SLC26A4: variants seen among roughly 807,000 people sequenced by gnomAD.
SLC26A4 encodes pendrin.
Under a neutral mutation model 90.4 loss-of-function variants are expected in SLC26A4, and 93 were observed. That is an observed-to-expected ratio of 1.03 (90% CI 0.87 to 1.22). SLC26A4 has a LOEUF of 1.22. Ranked by LOEUF, SLC26A4 falls within the 50% of genes most tolerant of loss-of-function variation. The pLI is 0.00. For synonymous variants in SLC26A4, 393 were observed against 354.6 expected, an observed-to-expected ratio of 1.11 and a Z score of -1.22; for missense variants, 1,127 against 946.2, an observed-to-expected ratio of 1.19 and a Z score of -2.51.
intron 6 of SLC26A4, among the ~76,000 whole-genome samples, chr7:107,680,476 CTTATA>C (rs1226756884): frequency 7.0e-6 from 1 of 143,388 alleles, no homozygotes; most frequent in Non-Finnish European, 1.5e-5. Flanking sequence ...TAAGTATAAT[CTTATA>C]TTATTATATA....
chr7:107,663,576 A>G (rs1790630307), intron 3 of SLC26A4, 141 bp downstream of exon 3: 1 of 897,510 alleles, frequency 1.1e-6, no homozygotes, highest in Non-Finnish European at 1.8e-6. Flanking sequence ...GGAGAGAGTC[A>G]CCTCTCTTCT....
intron 14 of SLC26A4, among the ~76,000 whole-genome samples, chr7:107,698,550 C>G (rs989288058): frequency 6.6e-6 from 1 of 152,094 alleles, no homozygotes; most frequent in Non-Finnish European, 1.5e-5. Flanking sequence ...CTCCTGAGCT[C>G]AAGTGATTTG....
chr7:107,677,991 C>A (rs1001098196), intron 6 of SLC26A4, among the ~76,000 whole-genome samples: 1 of 152,052 alleles, frequency 6.6e-6, no homozygotes, highest in Non-Finnish European at 1.5e-5. Context: ...GTCGCCCAGG[C>A]TGGTCTTGAA....
In SLC26A4 at chr7:107,715,600, T is replaced by C; in HGVS notation, c.*154T>C. On this transcript the variant is annotated 3_prime_UTR_variant, in exon 21 of 21. Transcript: ENST00000644269. The stretch of plus-strand genomic sequence containing the variant: ...CTGCTTCTAGGCTTTATTTATAAAA[T>C]AAACACCTTATCCCTAACATGGGCA... 1.4e-6 allele frequency: 1 copy of C among 716,694 alleles called. No individual in the cohort carries two copies. Among genetic ancestry groups the C allele is most frequent in the Non-Finnish European group, 2.5e-6 (1 of 392,178 alleles). The allele number at this position is 716,694 out of a possible 1,614,324, so 44.4% of individuals were successfully genotyped here.
In SLC26A4 at chr7:107,663,160, A is replaced by G. The variant is rs908144507; in HGVS notation, c.165-136A>G. 5.0e-6 allele frequency: 5 copies of G among 1,006,512 alleles called. No homozygotes were observed. In the Admixed American group the frequency reaches 5.2e-5, roughly 10 times the overall value. The allele number at this position is 1,006,512 out of a possible 1,614,324, so 62.3% of individuals were successfully genotyped here. On this transcript the variant is annotated intron_variant, in intron 2 of 20. Transcript: ENST00000644269. ...AAAGCATGGTAAGCACTTCAGGGTT[A>G]TTATTTTCCAGGAAATACTTATCCT...
intron 3 of SLC26A4, among the ~76,000 whole-genome samples, chr7:107,667,835 A>G (rs1158258865): frequency 6.6e-6 from 1 of 152,206 alleles, no homozygotes; most frequent in Non-Finnish European, 1.5e-5. Flanking sequence ...AGATAGCCCA[A>G]ATGGTGCAGA....
At chr7:107,708,839 G>A (rs766017455) in intron 18 of SLC26A4, among the ~76,000 whole-genome samples, 1 of 151,956 alleles carries the variant, frequency 6.6e-6, no homozygotes, top group Admixed American at 6.6e-5. Flanking sequence ...TATTGACAAT[G>A]GGGGGATGTT....
At chr7:107,698,146 G>T (rs1485697115) in intron 14 of SLC26A4, 35 bp downstream of exon 14, 2 of 1,382,662 alleles carry the variant, frequency 1.4e-6, no homozygotes, top group South Asian at 2.3e-5. Flanking sequence ...CTGGACTTGG[G>T]TTTACTAGCC....
chr7:107,663,971 C>T (rs1458720156), intron 3 of SLC26A4, among the ~76,000 whole-genome samples: 1 of 152,052 alleles, frequency 6.6e-6, no homozygotes, highest in Non-Finnish European at 1.5e-5. Context: ...GCGTGAGCCA[C>T]TGCACCCAGC....
chr7:107,683,048 C>T (rs546411528), intron 6 of SLC26A4, among the ~76,000 whole-genome samples, 154 bp from the exon 7 acceptor site: 1 of 152,140 alleles, frequency 6.6e-6, no homozygotes, highest in South Asian at 2.1e-4. Context: ...ACATTTTTAT[C>T]ATTTTACTGA....
rs1584344549 is a variant in SLC26A4 at position 107,710,072 on chromosome 7, T to C, written c.2108T>C (p.Leu703Pro). ...TTTGAAGATTATGTGATAGAAAAGCTGGAGCAATGCGGGTTCTTTGACGAC... is the reference window on the plus strand; with the variant it reads ...TTTGAAGATTATGTGATAGAAAAGCCGGAGCAATGCGGGTTCTTTGACGAC... ...ASLQDYVIEKLEQCGFFDDNI... is the reference protein window; with the variant it reads ...ASLQDYVIEKPEQCGFFDDNI... The change falls in exon 19 of 21, where the codon CTG (leucine) becomes CCG (proline). Residue 703 changes from leucine (L) to proline (P), a missense_variant. Leu to Pro is a moderately conservative substitution (Grantham distance 98). Coordinates refer to ENST00000644269, the MANE Select transcript of SLC26A4 (RefSeq NM_000441.2). The C allele has an allele frequency of 6.2e-7, 1 of 1,613,372 alleles. No homozygotes were observed. Among genetic ancestry groups the C allele is most frequent in the East Asian group, 2.2e-5 (1 of 44,866 alleles).
intron 10 of SLC26A4, chr7:107,693,669 T>A (rs987043428): frequency 4.0e-6 from 4 of 991,282 alleles, no homozygotes; most frequent in Admixed American, 5.6e-5. Context: ...CTAGTATGGA[T>A]CTTAGGAGAG....
chr7:107,680,118 AATCTTATCTTATTATATAATATAATCTT>A lies in SLC26A4; in HGVS notation c.766-3076_766-3049del, dbSNP rs1408390315. Among the ~76,000 whole-genome samples the A allele has an allele frequency of 7.1e-3, 853 of 120,452 alleles. 15 individuals are homozygous for A. The highest frequency in any genetic ancestry group is 0.03 in the African/African-American group (801 of 26,668). 79.0% of individuals were successfully genotyped at this position (120,452 alleles called of 152,430 possible). ...ATAATCTTATCTTATTATATAATAT[AATCTTATCTTATTATATAATATAATCTT>A]ATCTTATTATATAATATAATCTTAT... On this transcript the variant is annotated intron_variant, in intron 6 of 20. Transcript: ENST00000644269.
At chr7:107,675,243 A>T in intron 6 of SLC26A4, 134 bp downstream of exon 6, 2 of 667,048 alleles carry the variant, frequency 3.0e-6, no homozygotes, top group Non-Finnish European at 5.4e-6. Context: ...AGGTGGGCAG[A>T]TTGCTTGAGC....
rs72127521 is a variant in SLC26A4, at chr7:107,682,130, ATTTT to A, written c.766-1067_766-1064del. On this transcript the variant is annotated intron_variant, in intron 6 of 20. Coordinates refer to ENST00000644269, the MANE Select transcript of SLC26A4 (RefSeq NM_000441.2). ...AAAAAAAAAAAAAAAAAAAAAAAAAATTTTTTTTATGTTATCTTAGTTCAAGTTT... is the reference window on the plus strand; with the variant it reads ...AAAAAAAAAAAAAAAAAAAAAAAAAATTTTATGTTATCTTAGTTCAAGTTT... 2.7e-4 allele frequency among the ~76,000 whole-genome samples: 20 copies of A among 73,408 alleles called. 1 individual carries two copies. Among genetic ancestry groups the A allele is most frequent in the African/African-American group, 4.5e-4 (9 of 19,948 alleles). 48.2% of individuals were successfully genotyped at this position (73,408 alleles called of 152,430 possible). A position where few individuals can be genotyped will look rare whatever the true frequency, so the allele number is the denominator to read the frequency against.
At position 107,661,657 on chromosome 7, in the gene SLC26A4, G is replaced by A. The variant is rs762069010; in HGVS notation, c.16G>A (p.Gly6Ser). ...CTCGCAGGTCATGGCAGCGCCAGGC[G>A]GCAGGTCGGAGCCGCCGCAGCTCCC... is the stretch of plus-strand genomic sequence containing the variant. MAAPG[G>S]RSEPPQLPEY... Residue 6 changes from glycine (G) to serine (S), a missense_variant, in exon 2 of 21, where the codon GGC becomes AGC. Physicochemically the swap from Gly to Ser is moderately conservative, Grantham distance 56. Coordinates refer to ENST00000644269, the MANE Select transcript of SLC26A4 (RefSeq NM_000441.2). The surrounding 1 kb of genome is among the most constrained non-coding windows in gnomAD (Gnocchi z 5.1). 6.4e-7 allele frequency: 1 copy of A among 1,568,014 alleles called. No individual in the cohort carries two copies. The highest frequency in any genetic ancestry group is 1.2e-5 in the South Asian group (1 of 86,172).
intron 3 of SLC26A4, among the ~76,000 whole-genome samples, chr7:107,668,856 A>C (rs1790786825): frequency 6.6e-6 from 1 of 152,150 alleles, no homozygotes; most frequent in African/African-American, 2.4e-5. Context: ...ATTTAATATA[A>C]ATTTCAACTG....
At chr7:107,691,901 C>T (rs193050214) in intron 10 of SLC26A4, 2 of 1,280,456 alleles carry the variant, frequency 1.6e-6, no homozygotes, top group East Asian at 1.1e-4. Flanking sequence ...AAGCTGTGCA[C>T]ATTTCAGGCT....
At chr7:107,710,534 T>C (rs1016010377) in intron 19 of SLC26A4, among the ~76,000 whole-genome samples, 1 of 152,236 alleles carries the variant, frequency 6.6e-6, no homozygotes, top group Non-Finnish European at 1.5e-5. Flanking sequence ...GGGATTTGTG[T>C]ACATAAATTC....
Sources: gnomAD v4.1 joint callset for allele counts (sites outside exome capture counted in the v4.1 genomes callset) on GRCh38, gnomAD v4.1.1 for gene constraint, Gnocchi (gnomAD v3.1) non-coding constraint, MANE v1.5 for transcripts, NCBI Gene and HGNC (gene_info 2026-07-23, HGNC 2026-07-21) for gene names.